Variants in DRD2 observed in about 807,000 individuals in gnomAD.
DRD2 encodes D(2) dopamine receptor.
DRD2 carries 8 observed loss-of-function variants against 38.0 expected under a neutral mutation model. The observed-to-expected ratio is 0.21, with a 90% CI of 0.12 to 0.38. The LOEUF is 0.38. Among genes scored for constraint, DRD2 ranks in the 10% least tolerant of loss-of-function variants. DRD2 has a pLI of 1.00. For missense variants in DRD2, 403 were observed against 607.7 expected (o/e 0.66, Z 3.54); for synonymous variants, 230 against 238.6 (o/e 0.96, Z 0.33).
intron 1 of DRD2, among the ~76,000 whole-genome samples, chr11:113,433,797 G>A (rs1163446764): frequency 2.0e-5 from 3 of 152,090 alleles, no homozygotes; most frequent in East Asian, 1.9e-4. Context: ...TTGGCAACCC[G>A]GGTCGCCTGC....
chr11:113,424,658 G>T lies in DRD2; in HGVS notation c.-7C>A. On this transcript the variant is annotated 5_prime_UTR_variant, in exon 2 of 8. Coordinates refer to ENST00000362072, the MANE Select transcript of DRD2 (RefSeq NM_000795.4). ...ACAGATTCAGTGGATCCATCAGGGC[G>T]GTGGAGCCACTGGGTGGCCAGGCTC... 1.2e-6 allele frequency: 2 copies of T among 1,613,954 alleles called. No individual in the cohort carries two copies. The highest frequency in any genetic ancestry group is 1.6e-4 in the Middle Eastern group (1 of 6,062).
At chr11:113,422,943 C>T (rs1246478494) in intron 2 of DRD2, among the ~76,000 whole-genome samples, 1 of 152,180 alleles carries the variant, frequency 6.6e-6, no homozygotes, top group Non-Finnish European at 1.5e-5. Flanking sequence ...AATTCCTCTC[C>T]TGCTCAGGGA....
At chr11:113,474,451 C>G (rs1195240672) in intron 1 of DRD2, 1 of 152,262 alleles carries the variant, frequency 6.6e-6, no homozygotes, top group Non-Finnish European at 1.5e-5. Flanking sequence ...CCCAAGCCTC[C>G]CTCCCCGACT....
intron 1 of DRD2, among the ~76,000 whole-genome samples, chr11:113,465,411 GTTGTTTGTTTGT>G (rs6144513): frequency 3.2e-4 from 48 of 150,616 alleles, no homozygotes; most frequent in African/African-American, 8.5e-4. Flanking sequence ...TGTTGTTGTT[GTTGTTTGTTTGT>G]TTGTTTGTTT....
Position 113,424,285 on chromosome 11 carries a change from G to C in DRD2, c.285+82C>G, listed in dbSNP as rs1269225476. The stretch of plus-strand genomic sequence containing the variant: ...AGCACCAGGAAACTCATTGGTAAAA[G>C]CCAGTGGGGAGCTAGAGTCCCCAGT... On this transcript the variant is annotated intron_variant, in intron 2 of 7. Coordinates refer to ENST00000362072, the MANE Select transcript of DRD2 (RefSeq NM_000795.4). 3 of 1,491,072 alleles carry C rather than the reference G, an allele frequency of 2.0e-6. No individual in the cohort carries two copies. In the East Asian group the frequency reaches 7.3e-5, roughly 36 times the overall value. The allele number at this position is 1,491,072 out of a possible 1,614,324, so 92.4% of individuals were successfully genotyped here.
intron 1 of DRD2, among the ~76,000 whole-genome samples, chr11:113,471,786 G>A (rs1464584434): frequency 6.6e-6 from 1 of 152,156 alleles, no homozygotes; most frequent in African/African-American, 2.4e-5. Flanking sequence ...TTGGAGTCAG[G>A]GGCATCTGGC....
Position 113,452,664 on chromosome 11 carries a change from C to A in DRD2, c.-32+22412G>T, listed in dbSNP as rs929612975. ...GTCCCCATCTTTTTTTTTTTTTTTT[C>A]TGAGATAAGGTCTTGCTTTGTTATC... On this transcript the variant is annotated intron_variant, in intron 1 of 7. Transcript: ENST00000362072. 3.9e-5 allele frequency among the ~76,000 whole-genome samples: 4 copies of A among 102,206 alleles called. No individual in the cohort carries two copies. The Admixed American group carries it at 4.1e-4, about 10-fold the overall frequency. The allele number at this position is 102,206 out of a possible 152,430, so 67.1% of individuals were successfully genotyped here. A position where few individuals can be genotyped will look rare whatever the true frequency, so the allele number is the denominator to read the frequency against.
At chr11:113,452,467 T>TGCGC (rs60850982) in intron 1 of DRD2, among the ~76,000 whole-genome samples, 117 of 91,124 alleles carry the variant, frequency 1.3e-3, no homozygotes, top group Non-Finnish European at 2.3e-3. Context: ...TGTGTGTGTG[T>TGCGC]GTGCGCGCGC....
At chr11:113,425,462 G>A (rs969797360) in intron 1 of DRD2, among the ~76,000 whole-genome samples, 1 of 152,196 alleles carries the variant, frequency 6.6e-6, no homozygotes. Flanking sequence ...TTGAGTCTGG[G>A]GAGGTTGCAA....
At chr11:113,454,494 C>T (rs1244901016) in intron 1 of DRD2, among the ~76,000 whole-genome samples, 1 of 152,152 alleles carries the variant, frequency 6.6e-6, no homozygotes, top group African/African-American at 2.4e-5. Flanking sequence ...TGGCTTTTCC[C>T]TCTGTAACTT....
intron 1 of DRD2, among the ~76,000 whole-genome samples, chr11:113,468,675 G>T (rs1388255352): frequency 6.6e-6 from 1 of 152,170 alleles, no homozygotes; most frequent in Non-Finnish European, 1.5e-5. Flanking sequence ...AGCCTCCTGA[G>T]TAGCTGAGAC....
intron 1 of DRD2, among the ~76,000 whole-genome samples, chr11:113,464,762 A>T (rs746828959): frequency 5.9e-5 from 9 of 152,222 alleles, no homozygotes; most frequent in East Asian, 3.9e-4. Context: ...TTTCATCAAC[A>T]CCATCAGTCC....
chr11:113,449,366 C>T (rs1050616886), intron 1 of DRD2, among the ~76,000 whole-genome samples: 1 of 152,114 alleles, frequency 6.6e-6, no homozygotes, highest in Non-Finnish European at 1.5e-5. Context: ...ATGTCCCAGA[C>T]CCCTGGGGGA....
intron 1 of DRD2, among the ~76,000 whole-genome samples, chr11:113,453,485 C>T (rs1045620112): frequency 5.3e-5 from 8 of 152,338 alleles, no homozygotes; most frequent in Admixed American, 1.3e-4. Context: ...TTTAGAATTA[C>T]GATTGCCTGT....
chr11:113,416,775 G>A, intron 4 of DRD2, 88 bp downstream of exon 4: 40 of 1,552,752 alleles, frequency 2.6e-5, no homozygotes, highest in Non-Finnish European at 3.3e-5. Context: ...ACCCATATCT[G>A]TGCCAGGGAC....
At chr11:113,445,346 C>T (rs985978096) in intron 1 of DRD2, among the ~76,000 whole-genome samples, 25 of 152,172 alleles carry the variant, frequency 1.6e-4, no homozygotes, top group African/African-American at 5.3e-4. Flanking sequence ...TTATATAAAA[C>T]GTTCACTTTA....
chr11:113,418,726 C>A (rs1950852306), intron 2 of DRD2, among the ~76,000 whole-genome samples: 1 of 152,270 alleles, frequency 6.6e-6, no homozygotes, highest in African/African-American at 2.4e-5. Context: ...ACCAGAGAGA[C>A]AACTAGAGAT....
At chr11:113,469,972 C>A (rs887708096) in intron 1 of DRD2, among the ~76,000 whole-genome samples, 2 of 152,158 alleles carry the variant, frequency 1.3e-5, no homozygotes, top group Non-Finnish European at 2.9e-5. Context: ...CTGAGCACAG[C>A]GCCCTGCACA....
chr11:113,414,210 G>C, intron 6 of DRD2, 165 bp downstream of exon 6: 2 of 758,390 alleles, frequency 2.6e-6, no homozygotes, highest in East Asian at 2.5e-5. Context: ...CTCACTTCAT[G>C]CCTGCTTGGA....
Sources: gnomAD v4.1 joint callset for allele counts (sites outside exome capture counted in the v4.1 genomes callset) on GRCh38, gnomAD v4.1.1 for gene constraint, MANE v1.5 for transcripts, NCBI Gene and HGNC (gene_info 2026-07-23, HGNC 2026-07-21) for gene names.